ERICH1: variants seen among roughly 807,000 people sequenced by gnomAD.
ERICH1 encodes the protein glutamate-rich protein 1.
In ERICH1, 56 loss-of-function variants were observed where a neutral mutation model predicts 39.6. The observed-to-expected ratio is 1.41, with a 90% CI of 1.14 to 1.77. The LOEUF is 1.77. Among genes scored for constraint, ERICH1 ranks in the 40% most tolerant of loss-of-function variants. ERICH1 has a pLI of 0.00. For synonymous variants in ERICH1, 313 were observed against 223.6 expected, an observed-to-expected ratio of 1.40 and a Z score of -3.57; for missense variants, 826 against 575.4, an observed-to-expected ratio of 1.44 and a Z score of -4.45.
At chr8:681,761 G>A (rs1320191205) in intron 3 of ERICH1, among the ~76,000 whole-genome samples, 1 of 152,208 alleles carries the variant, frequency 6.6e-6, no homozygotes, top group African/African-American at 2.4e-5. Context: ...ACATCTGGGT[G>A]GAAAGATGGC....
chr8:642,657 G>C (rs1185987613), intron 3 of ERICH1, among the ~76,000 whole-genome samples: 1 of 152,022 alleles, frequency 6.6e-6, no homozygotes, highest in Non-Finnish European at 1.5e-5. Flanking sequence ...GAATTTCACA[G>C]TAATCAACCC....
chr8:630,740 CA>C (rs1797963633), intron 3 of ERICH1, among the ~76,000 whole-genome samples: 1 of 140,560 alleles, frequency 7.1e-6, no homozygotes, highest in South Asian at 2.4e-4. Context: ...CCCACACAGA[CA>C]GAGCTGACTC....
chr8:671,321 T>C (rs1703934), intron 4 of ERICH1, among the ~76,000 whole-genome samples: 137 of 140,768 alleles, frequency 9.7e-4, no homozygotes, highest in African/African-American at 2.4e-3. Context: ...CGGCCCCGGC[T>C]CTAATGTCTG....
At chr8:670,910 C>G (rs1803160558) in intron 4 of ERICH1, among the ~76,000 whole-genome samples, 1 of 151,662 alleles carries the variant, frequency 6.6e-6, no homozygotes. Flanking sequence ...CCGCCGGCCC[C>G]TGCTCCAACC....
intron 3 of ERICH1, among the ~76,000 whole-genome samples, chr8:650,679 C>T (rs567274690): frequency 6.6e-6 from 1 of 152,282 alleles, no homozygotes; most frequent in African/African-American, 2.4e-5. Context: ...AGGCGCAGGA[C>T]GCAAGTTCAG....
chr8:708,697 T>TG (rs1813978559), intron 2 of ERICH1, among the ~76,000 whole-genome samples: 2 of 139,062 alleles, frequency 1.4e-5, no homozygotes, highest in Non-Finnish European at 3.1e-5. Context: ...TTTTTTTTTT[T>TG]TTTTTTTTTT....
At chr8:642,719 C>T (rs998339174) in intron 3 of ERICH1, among the ~76,000 whole-genome samples, 3 of 152,092 alleles carry the variant, frequency 2.0e-5, no homozygotes, top group African/African-American at 7.2e-5. Context: ...CGTTGTTCCG[C>T]CTTGATCTTG....
intron 4 of ERICH1, chr8:672,183 A>G (rs1803580476): frequency 6.6e-6 from 1 of 152,406 alleles, no homozygotes; most frequent in Non-Finnish European, 1.5e-5. Flanking sequence ...TACTCCTGGC[A>G]TGACTGTTGG....
At chr8:653,165 C>T (rs1800187326) in intron 3 of ERICH1, among the ~76,000 whole-genome samples, 1 of 152,192 alleles carries the variant, frequency 6.6e-6, no homozygotes, top group Admixed American at 6.5e-5. Context: ...TACAGAGTAA[C>T]ATTATTCTAA....
At chr8:694,089 G>C (rs927401186) in intron 2 of ERICH1, among the ~76,000 whole-genome samples, 1 of 152,200 alleles carries the variant, frequency 6.6e-6, no homozygotes, top group Non-Finnish European at 1.5e-5. Context: ...ATTTGATTTT[G>C]AAAACAACAA....
At chr8:702,330 C>T (rs760450637) in intron 2 of ERICH1, among the ~76,000 whole-genome samples, 14 of 152,132 alleles carry the variant, frequency 9.2e-5, no homozygotes, top group African/African-American at 3.4e-4. Flanking sequence ...CCTGGAGAAA[C>T]AAGAACGCCG....
chr8:671,544 G>A (rs1196682506), intron 4 of ERICH1, among the ~76,000 whole-genome samples: 16 of 140,830 alleles, frequency 1.1e-4, no homozygotes, highest in African/African-American at 3.0e-4. Context: ...TGAACCTGCC[G>A]GCCCTGGCTG....
downstream of ERICH1, among the ~76,000 whole-genome samples, chr8:661,929 C>A (rs945118315): frequency 6.6e-6 from 1 of 152,036 alleles, no homozygotes; most frequent in South Asian, 2.1e-4. Flanking sequence ...CCACCACCCC[C>A]CGCAGTGGCA....
At chr8:684,081 G>A (rs949390340) in intron 3 of ERICH1, among the ~76,000 whole-genome samples, 3 of 152,152 alleles carry the variant, frequency 2.0e-5, no homozygotes, top group Admixed American at 1.3e-4. Context: ...CAGCTTGATA[G>A]ATACTTTTAA....
At chr8:685,759 T>C (rs1336180618) in intron 3 of ERICH1, among the ~76,000 whole-genome samples, 1 of 152,184 alleles carries the variant, frequency 6.6e-6, no homozygotes, top group Non-Finnish European at 1.5e-5. Flanking sequence ...GTCTGGCATT[T>C]CAAGAGTCTT....
chr8:713,840 T>G (rs1815319346), intron 2 of ERICH1, among the ~76,000 whole-genome samples: 1 of 152,136 alleles, frequency 6.6e-6, no homozygotes, highest in African/African-American at 2.4e-5. Flanking sequence ...AGACCACCAC[T>G]ATACAAACAC....
At chr8:715,283 C>A (rs1815637328) in intron 2 of ERICH1, among the ~76,000 whole-genome samples, 2 of 152,152 alleles carry the variant, frequency 1.3e-5, no homozygotes, top group Admixed American at 6.5e-5. Context: ...ATGTGCTGCA[C>A]CCAGGTGGTC....
In ERICH1 at chr8:692,988, G is replaced by C. The variant is rs565699867; in HGVS notation, c.170-376C>G. On this transcript the variant is annotated intron_variant, in intron 2 of 5. Transcript: ENST00000262109. The stretch of plus-strand genomic sequence containing the variant: ...TTTATCATCACACGAGGAGTCCCTG[G>C]GGATTTCACTGCACAGACTTCTGGG... Among the ~76,000 whole-genome samples the C allele has an allele frequency of 1.3e-4, 20 of 152,252 alleles. No homozygotes were observed. The South Asian group carries it at 3.7e-3, about 28-fold the overall frequency.
At chr8:670,402 A>G (rs1393201917) in intron 4 of ERICH1, among the ~76,000 whole-genome samples, 1 of 152,046 alleles carries the variant, frequency 6.6e-6, no homozygotes, top group African/African-American at 2.4e-5. Flanking sequence ...TGCTGAACGC[A>G]TAGGAAAGAC....
Sources: gnomAD v4.1 joint callset for allele counts (sites outside exome capture counted in the v4.1 genomes callset) on GRCh38, gnomAD v4.1.1 for gene constraint, MANE v1.5 for transcripts, NCBI Gene and HGNC (gene_info 2026-07-23, HGNC 2026-07-21) for gene names.